CHD2: variants seen among roughly 807,000 people sequenced by gnomAD.
The protein encoded by CHD2 is ATP-dependent chromatin remodeler CHD2.
Under a neutral mutation model 243.9 loss-of-function variants are expected in CHD2, and 28 were observed. The ratio of observed to expected loss-of-function variants is 0.11; its 90% CI spans 0.09 to 0.16. The LOEUF (loss-of-function observed/expected upper bound fraction) is 0.16, where lower values mean the gene tolerates loss of function less well. Among genes scored for constraint, CHD2 ranks in the 10% least tolerant of loss-of-function variants. CHD2 has a pLI of 1.00. For missense variants in CHD2, 1,386 were observed against 2,209.8 expected (o/e 0.63, Z 7.47); for synonymous variants, 775 against 779.0 (o/e 0.99, Z 0.09).
chr15:92,971,752 T>C lies in CHD2; in HGVS notation c.2190-13T>C. On this transcript the variant is annotated splice_polypyrimidine_tract_variant and intron_variant, in intron 17 of 38. Transcript: ENST00000394196. ...TTTGTATCTAGTAGTATCATTATCA[T>C]TTTAATTTGCAGGTGGATTCTGACC... 6.2e-7 allele frequency: 1 copy of C among 1,609,020 alleles called. No individual in the cohort carries two copies. The highest frequency in any genetic ancestry group is 8.5e-7 in the Non-Finnish European group (1 of 1,178,052).
chr15:92,930,283 C>T (rs760730143), intron 5 of CHD2, among the ~76,000 whole-genome samples: 49 of 152,306 alleles, frequency 3.2e-4, no homozygotes, highest in African/African-American at 1.1e-3. Context: ...CCTTTGGTCT[C>T]TTGACTGCAA....
chr15:92,901,339 T>TG (rs2035917320), intron 2 of CHD2, 40 bp downstream of exon 2: 2 of 1,246,366 alleles, frequency 1.6e-6, no homozygotes, highest in Non-Finnish European at 2.3e-6. Flanking sequence ...TCTTTTTTTT[T>TG]GGGGGAGAAA....
At chr15:93,012,300 T>C (rs1414209004) in intron 35 of CHD2, 45 bp from the exon 36 acceptor site, 2 of 1,424,178 alleles carry the variant, frequency 1.4e-6, no homozygotes, top group Non-Finnish European at 1.9e-6. Flanking sequence ...AAAAATTGCT[T>C]TTCTAATTCT....
intron 2 of CHD2, 109 bp downstream of exon 2, chr15:92,901,408 T>C: frequency 4.2e-6 from 3 of 716,436 alleles, no homozygotes; most frequent in Non-Finnish European, 2.4e-6. Flanking sequence ...TTATTGTGTT[T>C]TTCTAATTTG....
intron 35 of CHD2, among the ~76,000 whole-genome samples, chr15:93,009,895 TCA>T (rs1419539441): frequency 6.6e-6 from 1 of 152,198 alleles, no homozygotes; most frequent in African/African-American, 2.4e-5. Flanking sequence ...TTAAAAGATT[TCA>T]ATAGTTTTAG....
At chr15:92,902,657 T>G (rs1425989304) in intron 2 of CHD2, 2 of 152,460 alleles carry the variant, frequency 1.3e-5, no homozygotes, top group Non-Finnish European at 2.9e-5. Context: ...CCATGTAAAT[T>G]ACTAGATTAA....
At position 93,010,990 on chromosome 15, in the gene CHD2, G is replaced by A. The variant is rs796495227; in HGVS notation, c.4593-1355G>A. Reference sequence around the variant, plus strand: ...CCACAGCATGCTTCACACCTATAAAGAAAAGATTTAATTTTCAAAATGGTA... The same window carrying A: ...CCACAGCATGCTTCACACCTATAAAAAAAAGATTTAATTTTCAAAATGGTA... On this transcript the variant is annotated intron_variant, in intron 35 of 38. Transcript: ENST00000394196. Among the ~76,000 whole-genome samples, 15 of 152,108 alleles carry A rather than the reference G, an allele frequency of 9.9e-5. No individual in the cohort carries two copies. The South Asian group carries it at 3.1e-3, about 32-fold the overall frequency.
intron 20 of CHD2, among the ~76,000 whole-genome samples, chr15:92,977,261 T>A (rs1596426522): frequency 1.3e-5 from 2 of 152,232 alleles, no homozygotes; most frequent in African/African-American, 4.8e-5. Flanking sequence ...TTTATTGGAA[T>A]TGTTTAATTA....
intron 34 of CHD2, among the ~76,000 whole-genome samples, chr15:93,007,390 T>C (rs968665867): frequency 2.0e-5 from 3 of 152,250 alleles, no homozygotes; most frequent in African/African-American, 4.8e-5. Context: ...ACCTTTTCTG[T>C]AGGAATTCTT....
intron 26 of CHD2, among the ~76,000 whole-genome samples, chr15:92,986,543 T>G (rs1853070223): frequency 6.6e-6 from 1 of 152,196 alleles, no homozygotes; most frequent in Non-Finnish European, 1.5e-5. Flanking sequence ...CTTATCATCT[T>G]AACAATTTTG....
At chr15:93,002,390 G>T in intron 33 of CHD2, 73 bp downstream of exon 33, 1 of 1,551,666 alleles carries the variant, frequency 6.4e-7, no homozygotes. Flanking sequence ...GAAGTAGAAT[G>T]AGATTTGAGG....
intron 24 of CHD2, among the ~76,000 whole-genome samples, chr15:92,981,675 A>C (rs761806907): frequency 6.6e-6 from 1 of 152,236 alleles, no homozygotes; most frequent in Non-Finnish European, 1.5e-5. Context: ...ATGTAGAGTC[A>C]GTGTGTGGCG....
At chr15:92,913,781 G>C (rs2052785363) in intron 2 of CHD2, among the ~76,000 whole-genome samples, 1 of 152,170 alleles carries the variant, frequency 6.6e-6, no homozygotes, top group South Asian at 2.1e-4. Flanking sequence ...GAGTCCAAGA[G>C]CTTGCGGCTG....
intron 13 of CHD2, among the ~76,000 whole-genome samples, chr15:92,949,618 G>T (rs569130351): frequency 2.0e-5 from 3 of 152,116 alleles, no homozygotes; most frequent in South Asian, 4.1e-4. Flanking sequence ...GTTAATCTTG[G>T]GGGGGTGAAA....
chr15:92,977,147 T>C (rs2053920881), intron 20 of CHD2, among the ~76,000 whole-genome samples: 1 of 152,212 alleles, frequency 6.6e-6, no homozygotes, highest in African/African-American at 2.4e-5. Context: ...TCATCTTAAA[T>C]TGTCCACTGT....
At position 93,020,122 on chromosome 15, in the gene CHD2, C is replaced by G; in HGVS notation, c.5017C>G (p.His1673Asp). The G allele has an allele frequency of 6.2e-7, 1 of 1,614,042 alleles. No homozygotes were observed. The highest frequency in any genetic ancestry group is 8.5e-7 in the Non-Finnish European group (1 of 1,180,000). The change falls in exon 38 of 39, where the codon CAC becomes GAC. Residue 1673 changes from histidine (H) to aspartate (D), a missense_variant. His to Asp is a moderately conservative substitution (Grantham distance 81, BLOSUM62 -1). This residue lies in a region of CHD2 where 347 missense variants were observed against 341.6 expected (regional missense o/e 1.02). Coordinates refer to ENST00000394196, the MANE Select transcript of CHD2 (RefSeq NM_001271.4). The stretch of plus-strand genomic sequence containing the variant: ...GTATGAGCAGCACTGGTACAAGGAC[C>G]ACCATTATGGGGACCGGCGACATAT... ...HQYEQHWYKDHHYGDRRHMDA... is the reference protein window; with the variant it reads ...HQYEQHWYKDDHYGDRRHMDA...
chr15:92,922,969 A>AGCAGC (rs1389284453), intron 2 of CHD2, among the ~76,000 whole-genome samples: 1 of 151,978 alleles, frequency 6.6e-6, no homozygotes, highest in Non-Finnish European at 1.5e-5. Context: ...TCCCTATGGG[A>AGCAGC]TGTTTGGAAT....
Position 92,985,684 on chromosome 15 carries a change from G to A in CHD2, c.3413+11G>A, listed in dbSNP as rs1272880554. On this transcript the variant is annotated intron_variant, in intron 26 of 38. Transcript: ENST00000394196. ...TGCAGAGATCCGAAGGTTGGTGGAG[G>A]CTCTGTTCTCACTGAGCTTGTTTGA... is the stretch of plus-strand genomic sequence containing the variant. 1 of 1,604,888 alleles carries A rather than the reference G, an allele frequency of 6.2e-7. No individual in the cohort carries two copies. Among genetic ancestry groups the A allele is most frequent in the South Asian group, 1.1e-5 (1 of 90,718 alleles).
In CHD2 at chr15:93,027,146, A is replaced by G. The variant is rs912377422; in HGVS notation, c.*2441A>G. The stretch of plus-strand genomic sequence containing the variant: ...GTATGTTTGAAGAGTGTGCTGGGAA[A>G]AAGGAAGCATTTCTTCATTGATTTA... On this transcript the variant is annotated 3_prime_UTR_variant, in exon 39 of 39. Coordinates refer to ENST00000394196, the MANE Select transcript of CHD2 (RefSeq NM_001271.4). 1.3e-5 allele frequency: 2 copies of G among 152,624 alleles called. No individual in the cohort carries two copies. Among genetic ancestry groups the G allele is most frequent in the Non-Finnish European group, 2.9e-5 (2 of 68,042 alleles). The allele number at this position is 152,624 out of a possible 1,614,324, so 9.5% of individuals were successfully genotyped here. A position where few individuals can be genotyped will look rare whatever the true frequency, so the allele number is the denominator to read the frequency against.
Sources: allele counts gnomAD v4.1 joint callset (sites outside exome capture counted in the v4.1 genomes callset), GRCh38; gene constraint gnomAD v4.1.1; regional missense constraint gnomAD v4.1.1; transcripts MANE v1.5; gene names NCBI Gene and HGNC (gene_info 2026-07-23, HGNC 2026-07-21).